The following DPYSL3 variants were observed in gnomAD, a reference collection of about 807,000 sequenced individuals.
The protein encoded by DPYSL3 is dihydropyrimidinase-related protein 3.
Under a neutral mutation model 66.1 loss-of-function variants are expected in DPYSL3, and 16 were observed. The observed-to-expected ratio is 0.24, with a 90% CI of 0.16 to 0.37. The LOEUF (loss-of-function observed/expected upper bound fraction) is 0.37. Among genes scored for constraint, DPYSL3 ranks in the 10% least tolerant of loss-of-function variants. The pLI is 1.00. For synonymous variants in DPYSL3, 338 were observed against 345.1 expected (o/e 0.98, Z 0.23); for missense variants, 738 against 916.2 (o/e 0.81, Z 2.51).
intron 1 of DPYSL3, among the ~76,000 whole-genome samples, chr5:147,447,769 C>T (rs753713246): frequency 2.0e-5 from 3 of 152,144 alleles, no homozygotes; most frequent in African/African-American, 4.8e-5. Flanking sequence ...ACTCAGGAGG[C>T]GGAGGTTGCC....
At chr5:147,462,582 G>T (rs932913443) in intron 1 of DPYSL3, among the ~76,000 whole-genome samples, 1 of 152,120 alleles carries the variant, frequency 6.6e-6, no homozygotes, top group Non-Finnish European at 1.5e-5. Flanking sequence ...GGGAACTCCT[G>T]CAATGAAGGA....
chr5:147,476,550 GAA>G (rs1019734620), intron 1 of DPYSL3, among the ~76,000 whole-genome samples: 4 of 152,168 alleles, frequency 2.6e-5, no homozygotes, highest in African/African-American at 4.8e-5. Context: ...CTTCAAAGAG[GAA>G]AAGAGATGAA....
At chr5:147,460,593 A>G (rs570678871) in intron 1 of DPYSL3, among the ~76,000 whole-genome samples, 3 of 152,128 alleles carry the variant, frequency 2.0e-5, no homozygotes, top group African/African-American at 4.8e-5. Flanking sequence ...GAGGCAGGAG[A>G]CTCAAAAAGA....
intron 2 of DPYSL3, among the ~76,000 whole-genome samples, chr5:147,418,922 T>C (rs1454690286): frequency 6.6e-6 from 1 of 152,206 alleles, no homozygotes; most frequent in African/African-American, 2.4e-5. Context: ...GTGTGTGTAA[T>C]ACTTTTTTCA....
intron 1 of DPYSL3, among the ~76,000 whole-genome samples, chr5:147,443,728 G>A (rs185492985): frequency 1.2e-4 from 18 of 152,236 alleles, no homozygotes; most frequent in African/African-American, 4.1e-4. Flanking sequence ...AATGGGGCAT[G>A]CAGTGTGGAG....
chr5:147,441,217 G>A (rs1206442071), intron 1 of DPYSL3, among the ~76,000 whole-genome samples: 7 of 152,114 alleles, frequency 4.6e-5, no homozygotes, highest in Non-Finnish European at 2.9e-5. Flanking sequence ...AAGTACCACA[G>A]GCTGATGGTT....
At chr5:147,463,098 G>C (rs1752958138) in intron 1 of DPYSL3, among the ~76,000 whole-genome samples, 1 of 152,120 alleles carries the variant, frequency 6.6e-6, no homozygotes, top group African/African-American at 2.4e-5. Flanking sequence ...GCATAAGTAG[G>C]CTACCTGAGC....
At position 147,448,380 on chromosome 5, in the gene DPYSL3, G is replaced by C. The variant is rs1436165819; in HGVS notation, c.382-23417C>G. On this transcript the variant is annotated intron_variant, in intron 1 of 13. Transcript: ENST00000343218. ...AGAGATGACAAGCATAAAATTCTTAGGAACACTGTAACGTAACTAAACAAC... is the reference window on the plus strand; with the variant it reads ...AGAGATGACAAGCATAAAATTCTTACGAACACTGTAACGTAACTAAACAAC... 5.3e-5 allele frequency among the ~76,000 whole-genome samples: 8 copies of C among 152,142 alleles called. No individual in the cohort carries two copies. In the East Asian group the frequency reaches 1.5e-3, roughly 29 times the overall value.
intron 7 of DPYSL3, among the ~76,000 whole-genome samples, chr5:147,407,954 GT>G (rs1751742853): frequency 6.6e-6 from 1 of 152,004 alleles, no homozygotes; most frequent in Non-Finnish European, 1.5e-5. Context: ...TTTTCTATAT[GT>G]GTTCTATTTA....
chr5:147,509,420 G>A lies in DPYSL3; in HGVS notation c.381+58C>T, dbSNP rs1023665481. 2.8e-6 allele frequency: 4 copies of A among 1,448,930 alleles called. No individual in the cohort carries two copies. Among genetic ancestry groups the A allele is most frequent in the Non-Finnish European group, 2.7e-6 (3 of 1,105,264 alleles). 89.8% of individuals were successfully genotyped at this position (1,448,930 alleles called of 1,614,324 possible). Reference sequence around the variant, plus strand: ...GAGAAAGTTGTGCCCGGGCCATGGCGGCCAGGGCTGGAGAAAGGAACGAAG... The same window carrying A: ...GAGAAAGTTGTGCCCGGGCCATGGCAGCCAGGGCTGGAGAAAGGAACGAAG... On this transcript the variant is annotated intron_variant, in intron 1 of 13. Transcript: ENST00000343218. This position sits in a 1 kb window ranked among gnomAD's most constrained non-coding sequence, Gnocchi z 5.3.
rs546513660 is a variant in DPYSL3, at chr5:147,420,975, C to T, written c.471-2344G>A. On this transcript the variant is annotated intron_variant, in intron 2 of 13. Coordinates refer to ENST00000343218, the MANE Select transcript of DPYSL3 (RefSeq NM_001197294.2). ...CATGTTCAGGGTGGTATGGCCGTAG[C>T]GCCACTCCTATTCAACATCGTATTG... Among the ~76,000 whole-genome samples, 313 of 152,184 alleles carry T rather than the reference C, an allele frequency of 2.1e-3. 2 individuals are homozygous for T. Among genetic ancestry groups the T allele is most frequent in the Admixed American group, 3.5e-3 (53 of 15,288 alleles).
At chr5:147,484,610 A>C (rs1161999283) in intron 1 of DPYSL3, among the ~76,000 whole-genome samples, 2 of 152,236 alleles carry the variant, frequency 1.3e-5, no homozygotes, top group Non-Finnish European at 2.9e-5. Context: ...TGTGCAAGCT[A>C]CACAGTGTAG....
At chr5:147,433,804 C>T (rs551342104) in intron 1 of DPYSL3, among the ~76,000 whole-genome samples, 25 of 152,236 alleles carry the variant, frequency 1.6e-4, no homozygotes, top group African/African-American at 4.6e-4. Context: ...GCGGCCAAGG[C>T]GGGCGGATCA....
intron 1 of DPYSL3, among the ~76,000 whole-genome samples, chr5:147,447,220 A>G (rs1020683900): frequency 2.0e-5 from 3 of 152,186 alleles, no homozygotes; most frequent in Non-Finnish European, 4.4e-5. Context: ...GTTCCCTACA[A>G]TCTAATTAAC....
intron 1 of DPYSL3, among the ~76,000 whole-genome samples, chr5:147,487,719 C>T (rs1334136597): frequency 2.6e-5 from 4 of 152,164 alleles, no homozygotes; most frequent in Non-Finnish European, 5.9e-5. Flanking sequence ...TAAAATATTT[C>T]CTATCTTGTT....
chr5:147,509,612 C>A lies in DPYSL3; in HGVS notation c.247G>T (p.Gly83Trp), dbSNP rs756950886. The A allele has an allele frequency of 4.6e-6, 7 of 1,535,586 alleles. No individual in the cohort carries two copies. The South Asian group carries it at 8.3e-5, about 18-fold the overall frequency. The change falls in exon 1 of 14, where the codon GGG becomes TGG. Residue 83 changes from glycine (G) to tryptophan (W), a missense_variant. Transcript: ENST00000343218. The surrounding 1 kb of genome is among the most constrained non-coding windows in gnomAD (Gnocchi z 5.3). Reference sequence around the variant, plus strand: ...CCTTGGCCCCTGCGCGGGGTGTCCCCCTCGATCCCGGGCCGACTCCCCGAT... The same window carrying A: ...CCTTGGCCCCTGCGCGGGGTGTCCCACTCGATCCCGGGCCGACTCCCCGAT... ...RGSGSRPGIE[G>W]DTPRRGQGRE...
In DPYSL3 at chr5:147,393,918, A is replaced by C. The variant is rs1218035380; in HGVS notation, c.*117T>G. On this transcript the variant is annotated 3_prime_UTR_variant, in exon 14 of 14. Coordinates refer to ENST00000343218, the MANE Select transcript of DPYSL3 (RefSeq NM_001197294.2). ...TGGAGAAACATAAGGCTTGAGGCTT[A>C]TTGATTCTTTAGATCACAACCGTTT... The C allele has an allele frequency of 8.8e-6, 9 of 1,021,498 alleles. No homozygotes were observed. The highest frequency in any genetic ancestry group is 1.2e-5 in the Non-Finnish European group (8 of 677,774). 63.3% of individuals were successfully genotyped at this position (1,021,498 alleles called of 1,614,324 possible). A position where few individuals can be genotyped will look rare whatever the true frequency, so the allele number is the denominator to read the frequency against.
At chr5:147,468,981 T>C (rs1017344066) in intron 1 of DPYSL3, among the ~76,000 whole-genome samples, 2 of 152,218 alleles carry the variant, frequency 1.3e-5, no homozygotes, top group Non-Finnish European at 2.9e-5. Flanking sequence ...AAGTTGCGAA[T>C]ACAATGTACG....
At chr5:147,452,987 G>T (rs1752767086) in intron 1 of DPYSL3, among the ~76,000 whole-genome samples, 2 of 151,148 alleles carry the variant, frequency 1.3e-5, no homozygotes, top group Admixed American at 1.3e-4. Context: ...ACGATACATT[G>T]AAACATGAGT....
Sources: allele counts gnomAD v4.1 joint callset (sites outside exome capture counted in the v4.1 genomes callset), GRCh38; gene constraint gnomAD v4.1.1; non-coding constraint Gnocchi (gnomAD v3.1); transcripts MANE v1.5; gene names NCBI Gene and HGNC (gene_info 2026-07-23, HGNC 2026-07-21).